TENM2: variants seen among roughly 807,000 people sequenced by gnomAD.
TENM2 encodes the protein teneurin-2.
TENM2 carries 52 observed loss-of-function variants against 245.2 expected under a neutral mutation model. The ratio of observed to expected loss-of-function variants is 0.21; its 90% CI spans 0.17 to 0.27. The LOEUF (loss-of-function observed/expected upper bound fraction) is 0.27. Among genes scored for constraint, TENM2 ranks in the 10% least tolerant of loss-of-function variants. The pLI, the probability that TENM2 is intolerant of heterozygous loss-of-function variation, is 1.00. For missense variants in TENM2, 3,046 were observed against 3,666.8 expected, an observed-to-expected ratio of 0.83 and a Z score of 4.37; for synonymous variants, 1,363 against 1,438.9, an observed-to-expected ratio of 0.95 and a Z score of 1.19.
chr5:167,517,258 T>C (rs945205634), intron 2 of TENM2, among the ~76,000 whole-genome samples: 1 of 152,232 alleles, frequency 6.6e-6, no homozygotes, highest in African/African-American at 2.4e-5. Context: ...AGAAGCTTAA[T>C]GTCACTGTTA....
chr5:167,083,688 G>A, the TENM2 span, among the ~76,000 whole-genome samples: 1 of 152,082 alleles, frequency 6.6e-6, no homozygotes, highest in Non-Finnish European at 1.5e-5. Flanking sequence ...ATCACTCCTG[G>A]GAAGACCATT....
intron 2 of TENM2, among the ~76,000 whole-genome samples, chr5:167,680,580 G>A (rs1318743184): frequency 6.6e-6 from 1 of 152,100 alleles, no homozygotes; most frequent in African/African-American, 2.4e-5. Flanking sequence ...AGCTTAGTTT[G>A]GCCAAGGTGT....
intron 2 of TENM2, among the ~76,000 whole-genome samples, chr5:167,463,892 T>C (rs891303271): frequency 6.6e-6 from 1 of 152,234 alleles, no homozygotes; most frequent in Non-Finnish European, 1.5e-5. Flanking sequence ...GAAGGTTTCC[T>C]TTCATAGAAG....
chr5:168,124,997 A>G, exon 11 of TENM2: 1 of 1,611,168 alleles, frequency 6.2e-7, no homozygotes, highest in South Asian at 1.1e-5. Context: ...TACCTGCCTG[A>G]CACGGGCCTC....
chr5:167,297,415 C>T (rs1057493783), intron 1 of TENM2: 1 of 152,204 alleles, frequency 6.6e-6, no homozygotes, highest in Non-Finnish European at 1.5e-5. Flanking sequence ...CCCTGCTTCT[C>T]AGCCCACATT....
the TENM2 span, among the ~76,000 whole-genome samples, chr5:167,206,633 A>C: frequency 6.6e-6 from 1 of 152,188 alleles, no homozygotes; most frequent in East Asian, 1.9e-4. Context: ...CTGTTAAAAT[A>C]AGTAGATGCT....
At chr5:167,247,241 A>G in the TENM2 span, among the ~76,000 whole-genome samples, 4 of 152,276 alleles carry the variant, frequency 2.6e-5, no homozygotes, top group East Asian at 7.7e-4. Context: ...GTCATCCAGC[A>G]AGTAAGTGAC....
intron 7 of TENM2, among the ~76,000 whole-genome samples, chr5:168,082,694 C>A (rs1388883440): frequency 1.3e-5 from 2 of 152,156 alleles, no homozygotes; most frequent in Non-Finnish European, 2.9e-5. Context: ...AGCTGCAGGT[C>A]TGTTGGAGTT....
intron 24 of TENM2, 40 bp downstream of exon 26, chr5:168,226,303 C>G (rs1255026961): frequency 6.3e-7 from 1 of 1,587,134 alleles, no homozygotes; most frequent in South Asian, 1.1e-5. Context: ...CAAACTCACC[C>G]ATAGACCCAG....
chr5:167,872,687 G>A (rs758349438), intron 2 of TENM2, among the ~76,000 whole-genome samples: 12 of 152,172 alleles, frequency 7.9e-5, no homozygotes, highest in African/African-American at 1.2e-4. Context: ...TGGGCTTAAC[G>A]TGGGCAGAAA....
intron 1 of TENM2, among the ~76,000 whole-genome samples, chr5:167,306,887 G>A (rs1167104670): frequency 6.6e-6 from 1 of 152,132 alleles, no homozygotes. Flanking sequence ...TGTAAAGTTG[G>A]TACATGAAAA....
At chr5:167,158,103 A>T in the TENM2 span, among the ~76,000 whole-genome samples, 8 of 152,184 alleles carry the variant, frequency 5.3e-5, no homozygotes, top group Non-Finnish European at 1.0e-4. Flanking sequence ...GACAAGTAAA[A>T]TTATTATTTG....
In TENM2 at chr5:168,090,598, G is replaced by A. The variant is rs371887372; in HGVS notation, c.1540G>A (p.Gly514Arg). 164 of 1,613,164 alleles carry A rather than the reference G, an allele frequency of 1.0e-4. No homozygotes were observed. The highest frequency in any genetic ancestry group is 1.3e-4 in the Non-Finnish European group (158 of 1,179,774). ...GTATGACTTCATGGAACGTCTGGACGGGAAGGAGAAGTGGAGTGTGGTTGA... is the reference window on the plus strand; with the variant it reads ...GTATGACTTCATGGAACGTCTGGACAGGAAGGAGAAGTGGAGTGTGGTTGA... Residue 514 changes from glycine to arginine, a missense_variant, in exon 8 of 29, where the codon GGG (glycine) becomes AGG (arginine). Gly to Arg is a moderately radical substitution (Grantham distance 125). Coordinates refer to ENST00000518659, the Ensembl canonical transcript of TENM2.
chr5:167,352,714 ATCTTCT>A (rs577272620), intron 1 of TENM2, among the ~76,000 whole-genome samples: 4 of 152,246 alleles, frequency 2.6e-5, no homozygotes, highest in Non-Finnish European at 5.9e-5. Flanking sequence ...AAATTTGGCA[ATCTTCT>A]TCTTAGAGTT....
the TENM2 span, among the ~76,000 whole-genome samples, chr5:167,262,691 T>C: frequency 4.0e-4 from 61 of 152,254 alleles, 2 homozygotes; most frequent in South Asian, 0.013. Flanking sequence ...AAGATATTCC[T>C]GGAACTCTTC....
intron 1 of TENM2, among the ~76,000 whole-genome samples, chr5:167,301,204 A>G (rs1028903691): frequency 2.6e-5 from 4 of 152,232 alleles, no homozygotes; most frequent in Admixed American, 1.3e-4. Flanking sequence ...GCCTTGGGCC[A>G]GAGTTCCAGG....
chr5:167,467,229 G>T (rs1766723598), intron 2 of TENM2, among the ~76,000 whole-genome samples: 1 of 152,054 alleles, frequency 6.6e-6, no homozygotes, highest in African/African-American at 2.4e-5. Context: ...CACAAGATCT[G>T]ATGGTTTTAT....
intron 12 of TENM2, among the ~76,000 whole-genome samples, chr5:168,127,874 TAC>T (rs1795967058): frequency 6.6e-6 from 1 of 152,194 alleles, no homozygotes; most frequent in East Asian, 1.9e-4. Flanking sequence ...CCAGCCAAAC[TAC>T]AGTTTGGCCC....
chr5:167,001,607 C>T, the TENM2 span, among the ~76,000 whole-genome samples: 1 of 151,622 alleles, frequency 6.6e-6, no homozygotes, highest in Non-Finnish European at 1.5e-5. Flanking sequence ...TTTCTACAGT[C>T]CCTGACCATT....
Sources: allele counts gnomAD v4.1 joint callset (sites outside exome capture counted in the v4.1 genomes callset), GRCh38; gene constraint gnomAD v4.1.1; transcripts MANE v1.5; gene names NCBI Gene and HGNC (gene_info 2026-07-23, HGNC 2026-07-21).